Variants in DOCK4 observed in about 807,000 individuals in gnomAD.
The protein encoded by DOCK4 is dedicator of cytokinesis protein 4.
DOCK4 carries 97 observed loss-of-function variants against 268.1 expected under a neutral mutation model. The observed-to-expected ratio is 0.36, with a 90% confidence interval of 0.31 to 0.43. DOCK4 has a LOEUF of 0.43. Ranked by LOEUF, DOCK4 falls within the 20% of genes least tolerant of loss-of-function variation. The pLI is 1.00. For missense variants in DOCK4, 2,145 were observed against 2,455.7 expected (o/e 0.87, Z 2.67); for synonymous variants, 954 against 887.2 (o/e 1.08, Z -1.34).
intron 10 of DOCK4, among the ~76,000 whole-genome samples, chr7:111,941,368 C>CA (rs968632682): frequency 2.0e-5 from 3 of 151,978 alleles, no homozygotes; most frequent in African/African-American, 7.3e-5. Flanking sequence ...AATTATCAAC[C>CA]AATCCTACTT....
intron 1 of DOCK4, among the ~76,000 whole-genome samples, chr7:112,022,590 C>T (rs1199467724): frequency 3.3e-5 from 5 of 152,150 alleles, no homozygotes; most frequent in Admixed American, 2.6e-4. Flanking sequence ...TTTCCTCAGA[C>T]TGTAAAATTT....
chr7:111,784,396 T>A (rs1451225445), intron 32 of DOCK4: 1 of 634,402 alleles, frequency 1.6e-6, no homozygotes, highest in Admixed American at 2.1e-5. Context: ...CTCAGTGGAA[T>A]GCATCTTCAT....
At chr7:111,765,594 T>C (rs758005276) in intron 38 of DOCK4, among the ~76,000 whole-genome samples, 52 of 152,302 alleles carry the variant, frequency 3.4e-4, no homozygotes, top group South Asian at 6.2e-4. Flanking sequence ...CACAATCAAG[T>C]AGAAATTAAC....
At chr7:111,949,228 T>C (rs1341796900) in intron 8 of DOCK4, among the ~76,000 whole-genome samples, 2 of 152,212 alleles carry the variant, frequency 1.3e-5, no homozygotes, top group African/African-American at 2.4e-5. Context: ...TTTCACATTA[T>C]CTTGGTCAGT....
At chr7:112,009,407 T>C (rs1487567298) in intron 1 of DOCK4, among the ~76,000 whole-genome samples, 1 of 152,176 alleles carries the variant, frequency 6.6e-6, no homozygotes, top group African/African-American at 2.4e-5. Context: ...TCCTATTTCA[T>C]GGCAAAAGGA....
chr7:111,872,552 T>C lies in DOCK4; in HGVS notation c.1757A>G (p.Asp586Gly). The C allele has an allele frequency of 6.3e-7, 1 of 1,594,226 alleles. No individual in the cohort carries two copies. The highest frequency in any genetic ancestry group is 2.2e-5 in the East Asian group (1 of 44,594). ...TGGGTGGGTTCTCCATTTCAAAAGA[T>C]CAAGCATATCACCTTTCAAAATAGA... ...TKLTQNGDML[D>G]LLKWRTHPDK... Residue 586 changes from aspartate (D) to glycine (G), a missense_variant, in exon 18 of 53, where the codon GAT becomes GGT. Physicochemically the swap from Asp to Gly is moderately conservative, Grantham distance 94 (BLOSUM62 -1). Around this residue, in one of 2 missense-constraint regions of DOCK4, gnomAD observed 1,598 missense variants for 1,986.7 expected, o/e 0.80. Transcript: ENST00000428084.
Position 111,736,961 on chromosome 7 carries a change from C to G in DOCK4, c.5261G>C (p.Gly1754Ala), listed in dbSNP as rs761046979. 6.2e-7 allele frequency: 1 copy of G among 1,605,010 alleles called. No individual in the cohort carries two copies. The highest frequency in any genetic ancestry group is 1.1e-5 in the South Asian group (1 of 88,810). The change falls in exon 50 of 53, where the codon GGG becomes GCG. Residue 1754 changes from glycine (G) to alanine (A), a missense_variant. Around this residue, in one of 2 missense-constraint regions of DOCK4, gnomAD observed 547 missense variants for 469.0 expected, o/e 1.17. Transcript: ENST00000428084. ...QRMLFNHIGD[G>A]ALPRSDPNLS... Reference sequence around the variant, plus strand: ...ATTTGGGTCACTGCGTGGCAAGGCCCCGTCTCCAATATGATTAAACAGCAT... The same window carrying G: ...ATTTGGGTCACTGCGTGGCAAGGCCGCGTCTCCAATATGATTAAACAGCAT...
intron 1 of DOCK4, among the ~76,000 whole-genome samples, chr7:112,030,435 C>T (rs988739673): frequency 6.6e-6 from 1 of 152,196 alleles, no homozygotes; most frequent in Non-Finnish European, 1.5e-5. Context: ...TTCTAAACCA[C>T]AATGAAACTA....
At position 111,734,951 on chromosome 7, in the gene DOCK4, A is replaced by G. The variant is rs548577309; in HGVS notation, c.5419+103T>C. 1.1e-3 allele frequency: 965 copies of G among 915,514 alleles called. 10 individuals are homozygous for G. Among genetic ancestry groups the G allele is most frequent in the South Asian group, 6.5e-3 (441 of 68,278 alleles). The allele number at this position is 915,514 out of a possible 1,614,324, so 56.7% of individuals were successfully genotyped here. On this transcript the variant is annotated intron_variant, in intron 51 of 52. Coordinates refer to ENST00000428084, the MANE Select transcript of DOCK4 (RefSeq NM_001363540.2). The stretch of plus-strand genomic sequence containing the variant: ...ATGCAGCTACTAAGGTTTTTATCCC[A>G]GAAATCAAACGCCTACCTTTCTCTC...
rs112020512 is a variant in DOCK4 at position 112,165,523 on chromosome 7, C to CGTGTGT, written c.37+40573_37+40578dup. ...TTGTTGTTCATGGTGGAATAGTATA[C>CGTGTGT]GTGTGTGTGTGTGTGTGTGTGTGTG... On this transcript the variant is annotated intron_variant, in intron 1 of 52. Coordinates refer to ENST00000428084, the MANE Select transcript of DOCK4 (RefSeq NM_001363540.2). Among the ~76,000 whole-genome samples the CGTGTGT allele has an allele frequency of 4.1e-3, 514 of 126,560 alleles. 2 individuals carry two copies. The highest frequency in any genetic ancestry group is 0.025 in the Middle Eastern group (6 of 244). The allele number at this position is 126,560 out of a possible 152,430, so 83.0% of individuals were successfully genotyped here.
intron 11 of DOCK4, 41 bp downstream of exon 11, chr7:111,940,069 C>T: frequency 6.2e-7 from 1 of 1,610,004 alleles, no homozygotes; most frequent in Non-Finnish European, 8.5e-7. Context: ...CACATGTACC[C>T]CTGTGCCTAC....
At chr7:112,089,040 T>A (rs1162586701) in intron 1 of DOCK4, among the ~76,000 whole-genome samples, 1 of 152,190 alleles carries the variant, frequency 6.6e-6, no homozygotes, top group Non-Finnish European at 1.5e-5. Flanking sequence ...AAATACCTAA[T>A]TAATAATTGT....
At chr7:111,873,297 T>A (rs2134243539) in intron 17 of DOCK4, among the ~76,000 whole-genome samples, 1 of 152,288 alleles carries the variant, frequency 6.6e-6, no homozygotes, top group East Asian at 1.9e-4. Flanking sequence ...GGGAATAAAT[T>A]TATCTTTCTT....
chr7:112,030,664 G>C (rs1359639256), intron 1 of DOCK4, among the ~76,000 whole-genome samples: 2 of 152,010 alleles, frequency 1.3e-5, no homozygotes, highest in Non-Finnish European at 2.9e-5. Context: ...TCATCTTTTG[G>C]GACTTTGAGC....
chr7:111,787,470 G>A (rs368009701), intron 32 of DOCK4, among the ~76,000 whole-genome samples: 3 of 152,166 alleles, frequency 2.0e-5, no homozygotes, highest in African/African-American at 7.2e-5. Context: ...AAATGATACT[G>A]TTCAGAATCC....
intron 1 of DOCK4, among the ~76,000 whole-genome samples, chr7:112,196,284 C>T (rs897598567): frequency 4.6e-5 from 7 of 152,218 alleles, no homozygotes; most frequent in South Asian, 2.1e-4. Flanking sequence ...CCATGTACCA[C>T]GGTTTTAGGG....
At chr7:112,168,402 A>G (rs1817787966) in intron 1 of DOCK4, among the ~76,000 whole-genome samples, 1 of 152,198 alleles carries the variant, frequency 6.6e-6, no homozygotes, top group South Asian at 2.1e-4. Context: ...GTCAGCACAC[A>G]TACAAAGAGT....
At chr7:112,066,732 T>C (rs9770487) in intron 1 of DOCK4, among the ~76,000 whole-genome samples, 10,223 of 106,656 alleles carry the variant, frequency 0.096, 1,132 homozygotes, top group East Asian at 0.41. Flanking sequence ...TATATATATA[T>C]ATATATATAT....
At chr7:112,120,493 A>C (rs1019278425) in intron 1 of DOCK4, among the ~76,000 whole-genome samples, 3 of 152,232 alleles carry the variant, frequency 2.0e-5, no homozygotes, top group African/African-American at 7.2e-5. Context: ...AAAATCAGAC[A>C]CTAAAACCCC....
Sources: allele counts gnomAD v4.1 joint callset (sites outside exome capture counted in the v4.1 genomes callset), GRCh38; gene constraint gnomAD v4.1.1; regional missense constraint gnomAD v4.1.1; transcripts MANE v1.5; gene names NCBI Gene and HGNC (gene_info 2026-07-23, HGNC 2026-07-21).